CDC40: variants seen among roughly 807,000 people sequenced by gnomAD.
The protein encoded by CDC40 is pre-mRNA-processing factor 17.
In CDC40, 27 loss-of-function variants were observed where a neutral mutation model predicts 80.6. That is an observed-to-expected ratio of 0.33 (90% CI 0.25 to 0.46). The LOEUF is 0.46. Among genes scored for constraint, CDC40 ranks in the 20% least tolerant of loss-of-function variants. CDC40 has a pLI of 1.00. For synonymous variants in CDC40, 221 were observed against 232.6 expected (o/e 0.95, Z 0.45); for missense variants, 486 against 694.1 (o/e 0.70, Z 3.37).
intron 12 of CDC40, among the ~76,000 whole-genome samples, chr6:110,220,578 G>A (rs1287769045): frequency 6.6e-6 from 1 of 151,666 alleles, no homozygotes; most frequent in East Asian, 1.9e-4. Context: ...CCAAGTAGCT[G>A]GGACTACAGG....
At position 110,212,252 on chromosome 6, in the gene CDC40, G is replaced by T. The variant is rs757888735; in HGVS notation, c.847G>T (p.Val283Leu). The T allele has an allele frequency of 6.2e-7, 1 of 1,614,058 alleles. No individual in the cohort carries two copies. Among genetic ancestry groups the T allele is most frequent in the Non-Finnish European group, 8.5e-7 (1 of 1,179,976 alleles). The change falls in exon 7 of 15, where the codon GTG (valine) becomes TTG (leucine). Residue 283 changes from valine (V) to leucine (L), a missense_variant. Physicochemically the swap from Val to Leu is conservative, Grantham distance 32. Transcript: ENST00000307731. Reference sequence around the variant, plus strand: ...TTATCTTCCCAAAAAACAAATTCATGTGTGGTCTGGACACACAAAGGTAAG... The same window carrying T: ...TTATCTTCCCAAAAAACAAATTCATTTGTGGTCTGGACACACAAAGGTAAG... ...KCYLPKKQIH[V>L]WSGHTKGVSA...
At chr6:110,221,014 T>C (rs1012878478) in intron 12 of CDC40, among the ~76,000 whole-genome samples, 7 of 152,232 alleles carry the variant, frequency 4.6e-5, no homozygotes, top group Non-Finnish European at 7.3e-5. Flanking sequence ...AATGTTTTAC[T>C]TATGGAATAT....
intron 3 of CDC40, among the ~76,000 whole-genome samples, chr6:110,201,997 G>A (rs1024323483): frequency 6.6e-6 from 1 of 152,128 alleles, no homozygotes; most frequent in Non-Finnish European, 1.5e-5. Flanking sequence ...GTAGGTTGCT[G>A]TTAAAGTTGG....
chr6:110,228,491 G>C (rs950507864), intron 13 of CDC40, among the ~76,000 whole-genome samples: 19 of 151,664 alleles, frequency 1.3e-4, no homozygotes, highest in African/African-American at 4.1e-4. Context: ...TAGTTCTGTT[G>C]TCTATACTTA....
At chr6:110,200,038 C>T (rs192170772) in intron 2 of CDC40, among the ~76,000 whole-genome samples, 10 of 152,244 alleles carry the variant, frequency 6.6e-5, no homozygotes, top group Admixed American at 2.6e-4. Context: ...TTTTCCCCGA[C>T]ATTTTTCACC....
intron 2 of CDC40, among the ~76,000 whole-genome samples, chr6:110,200,063 G>A (rs556278706): frequency 2.0e-4 from 31 of 152,216 alleles, no homozygotes; most frequent in African/African-American, 7.2e-4. Flanking sequence ...AGGAGGCACA[G>A]GAAGGACTAA....
intron 12 of CDC40, among the ~76,000 whole-genome samples, chr6:110,225,803 A>T (rs1452060210): frequency 6.6e-6 from 1 of 152,220 alleles, no homozygotes; most frequent in African/African-American, 2.4e-5. Context: ...GGTTACATGG[A>T]TGAATTATAT....
chr6:110,223,606 C>T (rs765725535), intron 12 of CDC40, among the ~76,000 whole-genome samples: 4 of 152,126 alleles, frequency 2.6e-5, no homozygotes, highest in Non-Finnish European at 5.9e-5. Flanking sequence ...AGCTGACCTC[C>T]TCTATGGGAA....
At chr6:110,196,264 A>G (rs1357733088) in intron 2 of CDC40, among the ~76,000 whole-genome samples, 2 of 152,198 alleles carry the variant, frequency 1.3e-5, no homozygotes, top group African/African-American at 4.8e-5. Context: ...GGTAACCCCT[A>G]TGCCTTTGAC....
intron 5 of CDC40, 59 bp downstream of exon 5, chr6:110,209,282 A>G (rs765051635): frequency 2.8e-5 from 40 of 1,444,094 alleles, no homozygotes; most frequent in Non-Finnish European, 3.9e-5. Flanking sequence ...TATGAAGGAT[A>G]TCTACATTAA....
chr6:110,215,136 A>G lies in CDC40; in HGVS notation c.943-150A>G. On this transcript the variant is annotated intron_variant, in intron 8 of 14. Transcript: ENST00000307731. The stretch of plus-strand genomic sequence containing the variant: ...AACTGGCAGCACCAAGCTATATTTA[A>G]TGATATTCAGTGTTTAATATTTAAT... 4.8e-6 allele frequency: 3 copies of G among 625,496 alleles called. No homozygotes were observed. In the South Asian group the frequency reaches 6.5e-5, roughly 13 times the overall value. 38.7% of individuals were successfully genotyped at this position (625,496 alleles called of 1,614,324 possible).
At chr6:110,207,187 T>G (rs1777573968) in intron 3 of CDC40, among the ~76,000 whole-genome samples, 1 of 151,916 alleles carries the variant, frequency 6.6e-6, no homozygotes, top group South Asian at 2.1e-4. Context: ...TAATGACGCA[T>G]GCCTGTAATC....
chr6:110,220,027 C>A (rs968913986), intron 12 of CDC40, among the ~76,000 whole-genome samples, 158 bp downstream of exon 12: 13 of 152,204 alleles, frequency 8.5e-5, no homozygotes, highest in Non-Finnish European at 1.5e-4. Context: ...TAAGTACTGA[C>A]AATATGCAGA....
chr6:110,207,086 G>A (rs917414809), intron 3 of CDC40, among the ~76,000 whole-genome samples: 4 of 152,036 alleles, frequency 2.6e-5, no homozygotes, highest in African/African-American at 7.2e-5. Flanking sequence ...AGGCCAAGGC[G>A]GTGGATCATT....
intron 3 of CDC40, 83 bp downstream of exon 3, chr6:110,201,770 G>T: frequency 8.5e-7 from 1 of 1,174,384 alleles, no homozygotes; most frequent in South Asian, 1.6e-5. Flanking sequence ...TTATCTTCTG[G>T]CTTTTAAAAT....
chr6:110,219,996 A>G (rs1777747935), intron 12 of CDC40, 127 bp downstream of exon 12: 9 of 890,796 alleles, frequency 1.0e-5, no homozygotes, highest in Non-Finnish European at 1.2e-5. Flanking sequence ...CTGGCTTGCC[A>G]ATCAAACTGT....
Position 110,219,924 on chromosome 6 carries a change from A to G in CDC40, c.1340+55A>G, listed in dbSNP as rs1777746951. On this transcript the variant is annotated intron_variant, in intron 12 of 14. Transcript: ENST00000307731. ...TACATAAAGCAAGCAGTTAAAAATT[A>G]TATAGACAAAGATGAAGCCTGATAA... is the stretch of plus-strand genomic sequence containing the variant. The G allele has an allele frequency of 9.0e-6, 14 of 1,563,914 alleles. No homozygotes were observed. In the Admixed American group the frequency reaches 2.4e-4, roughly 27 times the overall value.
chr6:110,207,714 TG>T, intron 4 of CDC40, 125 bp downstream of exon 4: 1 of 611,382 alleles, frequency 1.6e-6, no homozygotes, highest in South Asian at 2.0e-5. Flanking sequence ...GTTGAAACAA[TG>T]GAGCGATACA....
intron 11 of CDC40, 127 bp downstream of exon 11, chr6:110,219,606 C>G (rs1777742401): frequency 8.1e-7 from 1 of 1,229,150 alleles, no homozygotes; most frequent in Non-Finnish European, 1.2e-6. Context: ...ATGCACCATT[C>G]TTAGCAGAAA....
Sources: allele counts gnomAD v4.1 joint callset (sites outside exome capture counted in the v4.1 genomes callset), GRCh38; gene constraint gnomAD v4.1.1; transcripts MANE v1.5; gene names NCBI Gene and HGNC (gene_info 2026-07-23, HGNC 2026-07-21).